Variants in SYCP2L observed in about 807,000 individuals in gnomAD.
SYCP2L encodes synaptonemal complex protein 2-like.
A neutral mutation model predicts 125.8 loss-of-function variants in SYCP2L; 98 were observed. That is an observed-to-expected ratio of 0.78 (90% confidence interval 0.66 to 0.92). The LOEUF is 0.92. Ranked by LOEUF, SYCP2L falls within the 40% of genes least tolerant of loss-of-function variation. SYCP2L has a pLI of 0.00. For missense variants in SYCP2L, 842 were observed against 936.4 expected, an observed-to-expected ratio of 0.90 and a Z score of 1.32; for synonymous variants, 317 against 325.4, an observed-to-expected ratio of 0.97 and a Z score of 0.28.
rs1429401869 is a variant in SYCP2L, at chr6:10,961,483, CTT to C, written c.2356-14_2356-13del. 1.2e-6 allele frequency: 2 copies of C among 1,613,784 alleles called. No individual in the cohort carries two copies. Among genetic ancestry groups the C allele is most frequent in the Non-Finnish European group, 1.7e-6 (2 of 1,179,904 alleles). On this transcript the variant is annotated splice_polypyrimidine_tract_variant and intron_variant, in intron 27 of 29. Coordinates refer to ENST00000283141, the MANE Select transcript of SYCP2L (RefSeq NM_001040274.3). The stretch of plus-strand genomic sequence containing the variant: ...AATAACGCTAGCTACTTAAACAAAA[CTT>C]TTGTTCAATCTTAGGAATTCTGGGG...
rs373118722 is a variant in SYCP2L, at chr6:10,949,677, A to G, written c.1955-5439A>G. ...CTCTTCTTACTTAGTTAATATCAATAAAGCAACACTAGTTTTCTTTTGGCT... is the reference window on the plus strand; with the variant it reads ...CTCTTCTTACTTAGTTAATATCAATGAAGCAACACTAGTTTTCTTTTGGCT... On this transcript the variant is annotated intron_variant, in intron 23 of 29. Coordinates refer to ENST00000283141, the MANE Select transcript of SYCP2L (RefSeq NM_001040274.3). 3.8e-4 allele frequency among the ~76,000 whole-genome samples: 58 copies of G among 151,186 alleles called. No individual in the cohort carries two copies. The South Asian group carries it at 0.011, about 28-fold the overall frequency.
intron 29 of SYCP2L, among the ~76,000 whole-genome samples, chr6:10,965,102 TATA>T (rs1220628101): frequency 6.6e-6 from 1 of 152,156 alleles, no homozygotes; most frequent in Non-Finnish European, 1.5e-5. Context: ...ATTAGGATAA[TATA>T]ATCTGATTTA....
At chr6:10,928,110 G>A (rs1242338390) in intron 17 of SYCP2L, among the ~76,000 whole-genome samples, 1 of 151,826 alleles carries the variant, frequency 6.6e-6, no homozygotes, top group African/African-American at 2.4e-5. Flanking sequence ...TACAATTTGT[G>A]CAGTTAACGC....
intron 14 of SYCP2L, among the ~76,000 whole-genome samples, chr6:10,916,849 G>A (rs772777095): frequency 3.3e-5 from 5 of 152,112 alleles, no homozygotes; most frequent in African/African-American, 7.2e-5. Context: ...AAAATTAGCC[G>A]GGCATGGTGG....
chr6:10,955,726 T>C (rs72823366), intron 24 of SYCP2L, among the ~76,000 whole-genome samples: 2 of 152,308 alleles, frequency 1.3e-5, no homozygotes, highest in Non-Finnish European at 2.9e-5. Context: ...GCAAGCTCTG[T>C]TAAATGGGAA....
intron 23 of SYCP2L, among the ~76,000 whole-genome samples, chr6:10,950,702 A>G (rs2113395349): frequency 6.6e-6 from 1 of 152,230 alleles, no homozygotes; most frequent in South Asian, 2.1e-4. Flanking sequence ...GGACCCTCAG[A>G]TAGACTGGAG....
chr6:10,957,235 C>T lies in SYCP2L; in HGVS notation c.2163+993C>T, dbSNP rs138083175. On this transcript the variant is annotated intron_variant, in intron 25 of 29. Transcript: ENST00000283141. ...AACAAGTTCATATTACTTATCAATG[C>T]TGTTGTTGACCTTCATATGTGAAAG... Among the ~76,000 whole-genome samples the T allele has an allele frequency of 1.5e-3, 229 of 152,308 alleles. 1 individual carries two copies. The highest frequency in any genetic ancestry group is 5.1e-3 in the African/African-American group (213 of 41,548).
chr6:10,938,847 A>C (rs1781156712), intron 21 of SYCP2L, among the ~76,000 whole-genome samples: 1 of 152,208 alleles, frequency 6.6e-6, no homozygotes, highest in African/African-American at 2.4e-5. Flanking sequence ...TCAGCCAAGC[A>C]TGGTGGCTCA....
intron 25 of SYCP2L, among the ~76,000 whole-genome samples, chr6:10,957,744 C>A (rs1781523894): frequency 1.3e-5 from 2 of 152,264 alleles, no homozygotes; most frequent in Non-Finnish European, 2.9e-5. Context: ...TTGAGTCCAG[C>A]AGTTCAAGGT....
In SYCP2L at chr6:10,902,386, G is replaced by T. The variant is rs192061640; in HGVS notation, c.467-291G>T. 3.2e-3 allele frequency among the ~76,000 whole-genome samples: 486 copies of T among 152,274 alleles called. 1 individual carries two copies. Among genetic ancestry groups the T allele is most frequent in the Middle Eastern group, 0.01 (3 of 294 alleles). Reference sequence around the variant, plus strand: ...AATATTGCCAAAGTTGAAAAAGTCTGCTGTAATAAAAGTATCAGAGAATTA... The same window carrying T: ...AATATTGCCAAAGTTGAAAAAGTCTTCTGTAATAAAAGTATCAGAGAATTA... On this transcript the variant is annotated intron_variant, in intron 6 of 29. Coordinates refer to ENST00000283141, the MANE Select transcript of SYCP2L (RefSeq NM_001040274.3).
chr6:10,948,988 TGTA>T (rs1781363273), intron 23 of SYCP2L, among the ~76,000 whole-genome samples: 1 of 152,122 alleles, frequency 6.6e-6, no homozygotes, highest in Non-Finnish European at 1.5e-5. Context: ...TTTTAATCAT[TGTA>T]GTTGTTTCCT....
At position 10,956,317 on chromosome 6, in the gene SYCP2L, A is replaced by G. The variant is rs558515228; in HGVS notation, c.2163+75A>G. 1.7e-5 allele frequency: 18 copies of G among 1,086,276 alleles called. No homozygotes were observed. In the South Asian group the frequency reaches 2.3e-4, roughly 14 times the overall value. The allele number at this position is 1,086,276 out of a possible 1,614,324, so 67.3% of individuals were successfully genotyped here. ...CATTATGCTAAGTGAAATAAGCCAG[A>G]CAGTACCACATGGTCTCACTTATAT... On this transcript the variant is annotated intron_variant, in intron 25 of 29. Transcript: ENST00000283141.
chr6:10,904,603 A>T (rs773519466), intron 8 of SYCP2L, among the ~76,000 whole-genome samples: 74 of 152,180 alleles, frequency 4.9e-4, no homozygotes, highest in Non-Finnish European at 9.4e-4. Context: ...CTAAGTTTTC[A>T]AACTAATCTT....
chr6:10,926,438 T>C lies in SYCP2L; in HGVS notation c.1312+6T>C, dbSNP rs1219147018. On this transcript the variant is annotated splice_donor_region_variant and intron_variant, in intron 16 of 29. Transcript: ENST00000283141. Reference sequence around the variant, plus strand: ...TGGCCTTGAAAGAGAAACAGGTATATTGGGAAATAACAAAATTCTGACCCT... The same window carrying C: ...TGGCCTTGAAAGAGAAACAGGTATACTGGGAAATAACAAAATTCTGACCCT... The C allele has an allele frequency of 2.2e-5, 35 of 1,603,248 alleles. No homozygotes were observed. Among genetic ancestry groups the C allele is most frequent in the Non-Finnish European group, 2.8e-5 (33 of 1,171,744 alleles).
intron 14 of SYCP2L, among the ~76,000 whole-genome samples, chr6:10,921,748 C>T (rs1581827081): frequency 1.3e-5 from 2 of 151,896 alleles, no homozygotes; most frequent in African/African-American, 4.8e-5. Flanking sequence ...CTCTGTCGCC[C>T]AGGCTGAAGT....
chr6:10,905,530 G>T (rs1780473646), intron 8 of SYCP2L, among the ~76,000 whole-genome samples: 2 of 152,150 alleles, frequency 1.3e-5, no homozygotes, highest in African/African-American at 4.8e-5. Context: ...AACCTCAGGT[G>T]ATCTGCCCGT....
intron 14 of SYCP2L, among the ~76,000 whole-genome samples, chr6:10,919,517 T>C (rs1221660395): frequency 2.0e-5 from 3 of 152,176 alleles, no homozygotes; most frequent in African/African-American, 4.8e-5. Flanking sequence ...TTCTTAACTT[T>C]GGTAGTTTAA....
chr6:10,952,600 TC>T (rs1484594867), intron 23 of SYCP2L, among the ~76,000 whole-genome samples: 1 of 149,234 alleles, frequency 6.7e-6, no homozygotes. Context: ...AAAAAAAAGT[TC>T]CAGAAGGGGC....
At chr6:10,934,556 T>C (rs895929452) in intron 20 of SYCP2L, among the ~76,000 whole-genome samples, 1 of 152,358 alleles carries the variant, frequency 6.6e-6, no homozygotes, top group East Asian at 1.9e-4. Context: ...GGCGCGTGCC[T>C]ATGATTCCAG....
Sources: allele counts gnomAD v4.1 joint callset (sites outside exome capture counted in the v4.1 genomes callset), GRCh38; gene constraint gnomAD v4.1.1; transcripts MANE v1.5; gene names NCBI Gene and HGNC (gene_info 2026-07-23, HGNC 2026-07-21).